Variants in COP1 observed in about 807,000 individuals in gnomAD.
The protein encoded by COP1 is COP1 E3 ubiquitin ligase, also known as E3 ubiquitin-protein ligase COP1.
COP1 carries 24 observed loss-of-function variants against 101.3 expected under a neutral mutation model. The ratio of observed to expected loss-of-function variants is 0.24; its 90% CI spans 0.17 to 0.33. COP1 has a LOEUF of 0.33. Among genes scored for constraint, COP1 ranks in the 10% least tolerant of loss-of-function variants. The probability of loss-of-function intolerance (pLI) is 1.00; values close to 1 mark genes in which losing one functional copy is unlikely to be tolerated. For synonymous variants in COP1, 347 were observed against 341.9 expected (o/e 1.01, Z -0.17); for missense variants, 663 against 906.2 (o/e 0.73, Z 3.45).
intron 15 of COP1, chr1:176,018,521 T>C (rs1322187604): frequency 6.6e-6 from 1 of 152,164 alleles, no homozygotes; most frequent in Non-Finnish European, 1.5e-5. Flanking sequence ...GAACCCTTTT[T>C]ACTCTTTTTT....
chr1:176,149,121 T>A, intron 5 of COP1, 47 bp from the exon 6 acceptor site: 1 of 1,287,212 alleles, frequency 7.8e-7, no homozygotes, highest in Non-Finnish European at 1.1e-6. Flanking sequence ...ATAACTGAGT[T>A]GAAAGTTTTC....
At chr1:176,020,606 G>A (rs749182396) in intron 15 of COP1, among the ~76,000 whole-genome samples, 2 of 152,180 alleles carry the variant, frequency 1.3e-5, no homozygotes, top group Non-Finnish European at 2.9e-5. Flanking sequence ...CTACCTGTGC[G>A]GTGGAGGCTG....
chr1:176,026,190 A>G (rs1251063813), intron 15 of COP1, among the ~76,000 whole-genome samples: 1 of 152,108 alleles, frequency 6.6e-6, no homozygotes, highest in Non-Finnish European at 1.5e-5. Context: ...GAAGGAGAAA[A>G]TTTGATAATA....
At chr1:176,100,989 G>C (rs1483364880) in intron 9 of COP1, among the ~76,000 whole-genome samples, 1 of 152,158 alleles carries the variant, frequency 6.6e-6, no homozygotes, top group African/African-American at 2.4e-5. Flanking sequence ...CACAGCATAG[G>C]TTAGTGTGAC....
chr1:176,065,623 A>G (rs1675785815), intron 11 of COP1, among the ~76,000 whole-genome samples: 1 of 150,744 alleles, frequency 6.6e-6, no homozygotes, highest in Non-Finnish European at 1.5e-5. Context: ...GTCCTCCCCT[A>G]TTTGCCTGAA....
intron 18 of COP1, among the ~76,000 whole-genome samples, chr1:175,978,364 T>C (rs775567105): frequency 2.0e-4 from 31 of 152,214 alleles, no homozygotes; most frequent in Non-Finnish European, 3.7e-4. Context: ...TTGTTGATTT[T>C]ATTATAATAT....
At chr1:175,960,357 A>C (rs1217581472) in intron 18 of COP1, among the ~76,000 whole-genome samples, 1 of 152,228 alleles carries the variant, frequency 6.6e-6, no homozygotes, top group African/African-American at 2.4e-5. Flanking sequence ...TAATAAAACT[A>C]AGCTAACAGA....
At chr1:175,977,664 CAA>C (rs891214424) in intron 18 of COP1, among the ~76,000 whole-genome samples, 2 of 151,488 alleles carry the variant, frequency 1.3e-5, no homozygotes, top group South Asian at 4.2e-4. Flanking sequence ...AAGTAAAATA[CAA>C]AAAAAAGTTT....
intron 1 of COP1, among the ~76,000 whole-genome samples, chr1:176,204,714 A>T (rs1478210246): frequency 6.6e-6 from 1 of 152,212 alleles, no homozygotes; most frequent in Non-Finnish European, 1.5e-5. Flanking sequence ...ACCTGAGGTC[A>T]GGAGTTCAAG....
At chr1:175,992,974 C>G (rs923503151) in intron 15 of COP1, among the ~76,000 whole-genome samples, 58 of 152,320 alleles carry the variant, frequency 3.8e-4, no homozygotes, top group Middle Eastern at 6.8e-3. Context: ...CCCCAAGCAG[C>G]CTAACTAGGA....
chr1:176,037,952 C>T (rs778634389), intron 14 of COP1, among the ~76,000 whole-genome samples: 3 of 151,964 alleles, frequency 2.0e-5, no homozygotes, highest in East Asian at 1.9e-4. Context: ...AAAAGCAAGG[C>T]AGGAACGGGA....
At chr1:176,126,978 CTCACA>C (rs1688090446) in intron 8 of COP1, among the ~76,000 whole-genome samples, 1 of 152,140 alleles carries the variant, frequency 6.6e-6, no homozygotes, top group Admixed American at 6.5e-5. Flanking sequence ...AATCAATTCA[CTCACA>C]TATCTTATTT....
intron 14 of COP1, among the ~76,000 whole-genome samples, chr1:176,029,771 A>G (rs765722851): frequency 6.6e-6 from 1 of 152,222 alleles, no homozygotes; most frequent in Non-Finnish European, 1.5e-5. Context: ...AAAATAAGTA[A>G]AACTGGTTCC....
chr1:176,098,411 ATTG>A (rs1242045130), intron 9 of COP1, among the ~76,000 whole-genome samples: 26 of 152,222 alleles, frequency 1.7e-4, no homozygotes, highest in African/African-American at 2.4e-5. Flanking sequence ...GGGTCTAAGG[ATTG>A]TTCTGAATTA....
In COP1 at chr1:175,950,328, A is replaced by G. The variant is rs139161935; in HGVS notation, c.2134-3089T>C. The stretch of plus-strand genomic sequence containing the variant: ...ATATCTCAGTACATCCTCTCTCCCC[A>G]AAGGTAGTATGATTACAAAAAAAGT... On this transcript the variant is annotated intron_variant, in intron 18 of 19. Coordinates refer to ENST00000367669, the MANE Select transcript of COP1 (RefSeq NM_022457.7). 1.3e-3 allele frequency among the ~76,000 whole-genome samples: 195 copies of G among 152,322 alleles called. No homozygotes were observed. The Middle Eastern group carries it at 0.017, about 13-fold the overall frequency.
intron 11 of COP1, among the ~76,000 whole-genome samples, chr1:176,074,331 A>G (rs957869582): frequency 3.3e-5 from 5 of 152,170 alleles, no homozygotes; most frequent in Admixed American, 6.5e-5. Flanking sequence ...GAATATAAGA[A>G]AGTAAGAAAA....
At chr1:176,206,499 A>G in intron 1 of COP1, 73 bp downstream of exon 1, 2 of 1,389,174 alleles carry the variant, frequency 1.4e-6, no homozygotes, top group Admixed American at 1.8e-5. Flanking sequence ...CCCACACCAG[A>G]CCCCCCGCCC....
chr1:175,954,391 C>T (rs536317423), intron 18 of COP1, among the ~76,000 whole-genome samples: 3 of 151,730 alleles, frequency 2.0e-5, no homozygotes, highest in South Asian at 2.1e-4. Flanking sequence ...TTACACATGA[C>T]GTAAGTACAA....
chr1:176,067,335 T>A (rs952232040), intron 11 of COP1, among the ~76,000 whole-genome samples: 8 of 152,038 alleles, frequency 5.3e-5, no homozygotes, highest in Non-Finnish European at 7.4e-5. Flanking sequence ...GTTTTTGTGC[T>A]CAAATGTTGC....
Sources: allele counts gnomAD v4.1 joint callset (sites outside exome capture counted in the v4.1 genomes callset), GRCh38; gene constraint gnomAD v4.1.1; transcripts MANE v1.5; gene names NCBI Gene and HGNC (gene_info 2026-07-23, HGNC 2026-07-21).